Variants in RYR2 observed in about 807,000 individuals in gnomAD.
RYR2 encodes cardiac muscle ryanodine receptor-calcium release channel.
A neutral mutation model predicts 601.1 loss-of-function variants in RYR2; 227 were observed. The observed-to-expected ratio is 0.38, with a 90% confidence interval of 0.34 to 0.42. The LOEUF is 0.42. Ranked by LOEUF, RYR2 falls within the 10% of genes least tolerant of loss-of-function variation. RYR2 has a pLI of 1.00. For synonymous variants in RYR2, 2,223 were observed against 2,175.1 expected (o/e 1.02, Z -0.61); for missense variants, 4,646 against 6,156.5 (o/e 0.75, Z 8.21).
intron 44 of RYR2, among the ~76,000 whole-genome samples, 167 bp downstream of exon 44, chr1:237,635,159 C>G (rs180977800): frequency 6.6e-6 from 1 of 152,184 alleles, no homozygotes; most frequent in East Asian, 1.9e-4. Flanking sequence ...TGTTCTAGTG[C>G]TATTAGAATT....
At chr1:237,708,363 A>G (rs981160284) in intron 68 of RYR2, among the ~76,000 whole-genome samples, 16 of 152,282 alleles carry the variant, frequency 1.1e-4, no homozygotes, top group Admixed American at 5.2e-4. Flanking sequence ...AAATGGCCCA[A>G]TCAAGTTTAG....
At chr1:237,788,165 T>G in intron 92 of RYR2, 30 bp downstream of exon 92, 1 of 1,558,594 alleles carries the variant, frequency 6.4e-7, no homozygotes, top group Non-Finnish European at 8.8e-7. Context: ...ATATTGTTAC[T>G]GATATAGTGC....
At chr1:237,594,903 T>TTG (rs1675681295) in intron 33 of RYR2, among the ~76,000 whole-genome samples, 1 of 31,472 alleles carries the variant, frequency 3.2e-5, no homozygotes, top group African/African-American at 5.7e-5. Context: ...TTTTTTTTTT[T>TTG]TTTTTTTTTT....
chr1:237,336,016 T>C lies in RYR2; in HGVS notation c.273+5034T>C, dbSNP rs138185869. ...GGTAACTTATATCTTATAAAGGTTC[T>C]ATGTATAGAAATTTAAGTGTTTTTT... On this transcript the variant is annotated intron_variant, in intron 3 of 104. Transcript: ENST00000366574. 5.0e-3 allele frequency among the ~76,000 whole-genome samples: 757 copies of C among 152,320 alleles called. 6 individuals are homozygous for C. Among genetic ancestry groups the C allele is most frequent in the African/African-American group, 0.018 (732 of 41,572 alleles).
rs374181409 is a variant in RYR2, at chr1:237,530,364, GTCTTGGGT to G, written c.2823-61_2823-54del. ...GTTGTATCTCATTGCTACTGCTGCT[GTCTTGGGT>G]TATTCTGGACATAGAGAAGAAATGA... On this transcript the variant is annotated intron_variant, in intron 24 of 104. Transcript: ENST00000366574. 71 of 1,251,454 alleles carry G rather than the reference GTCTTGGGT, an allele frequency of 5.7e-5. No individual in the cohort carries two copies. The African/African-American group carries it at 9.5e-4, about 17-fold the overall frequency. 77.5% of individuals were successfully genotyped at this position (1,251,454 alleles called of 1,614,324 possible). A position where few individuals can be genotyped will look rare whatever the true frequency, so the allele number is the denominator to read the frequency against.
intron 1 of RYR2, among the ~76,000 whole-genome samples, chr1:237,207,433 G>T (rs543039578): frequency 6.6e-6 from 1 of 152,312 alleles, no homozygotes; most frequent in East Asian, 1.9e-4. Context: ...GGGCATGGTG[G>T]TGGGCACCTG....
At chr1:237,352,153 A>G (rs1157641426) in intron 3 of RYR2, among the ~76,000 whole-genome samples, 2 of 152,108 alleles carry the variant, frequency 1.3e-5, no homozygotes, top group African/African-American at 4.8e-5. Context: ...GAAATTATCT[A>G]TCAAATGCAA....
chr1:237,042,531 G>T lies in RYR2; in HGVS notation c.10G>T (p.Gly4Trp). MAD[G>W]GEGEDEIQFL... The stretch of plus-strand genomic sequence containing the variant: ...GAGGAGGCGCGGAACCATGGCCGAT[G>T]GGGGCGAGGGCGAAGACGAGATCCA... Residue 4 changes from glycine to tryptophan, a missense_variant, in exon 1 of 105, where the codon GGG becomes TGG. Gly to Trp is a radical substitution (Grantham distance 184). Transcript: ENST00000366574. The T allele has an allele frequency of 8.0e-7, 1 of 1,257,754 alleles. No homozygotes were observed. Among genetic ancestry groups the T allele is most frequent in the African/African-American group, 1.5e-5 (1 of 65,054 alleles). The allele number at this position is 1,257,754 out of a possible 1,614,324, so 77.9% of individuals were successfully genotyped here.
At position 237,582,417 on chromosome 1, in the gene RYR2, T is replaced by C. The variant is rs372229415; in HGVS notation, c.3599-7376T>C. ...GAGCCATTGTGCCTGGCTAGCATTC[T>C]TTAAAAAAAAAAAAAAAAATCAACT... On this transcript the variant is annotated intron_variant, in intron 29 of 104. Transcript: ENST00000366574. Among the ~76,000 whole-genome samples the C allele has an allele frequency of 2.0e-4, 29 of 147,668 alleles. No individual in the cohort carries two copies. The South Asian group carries it at 3.8e-3, about 20-fold the overall frequency.
At chr1:237,445,685 C>G (rs1194241842) in intron 14 of RYR2, among the ~76,000 whole-genome samples, 163 bp downstream of exon 14, 3 of 152,090 alleles carry the variant, frequency 2.0e-5, no homozygotes, top group Non-Finnish European at 4.4e-5. Flanking sequence ...GATTTAATGT[C>G]TTTCTTTTAA....
At chr1:237,317,982 A>G (rs779386834) in intron 2 of RYR2, among the ~76,000 whole-genome samples, 1 of 152,112 alleles carries the variant, frequency 6.6e-6, no homozygotes, top group Non-Finnish European at 1.5e-5. Flanking sequence ...TGCATTTGCC[A>G]TGTTGTTTTT....
At chr1:237,247,451 T>A (rs1171945047) in intron 1 of RYR2, among the ~76,000 whole-genome samples, 1 of 152,162 alleles carries the variant, frequency 6.6e-6, no homozygotes, top group African/African-American at 2.4e-5. Context: ...ACAGTAACTA[T>A]AGGGCGAAGA....
chr1:237,666,368 C>T, intron 56 of RYR2, 144 bp from the exon 57 acceptor site: 1 of 684,750 alleles, frequency 1.5e-6, no homozygotes, highest in Non-Finnish European at 2.6e-6. Flanking sequence ...GATGTGTTTA[C>T]AACATCATTT....
chr1:237,756,085 C>T (rs1692928703), intron 80 of RYR2, among the ~76,000 whole-genome samples: 1 of 142,754 alleles, frequency 7.0e-6, no homozygotes, highest in African/African-American at 2.7e-5. Context: ...GTACCAAAAA[C>T]ATATCAAGAA....
At chr1:237,523,597 C>T (rs1039891245) in intron 24 of RYR2, among the ~76,000 whole-genome samples, 12 of 151,846 alleles carry the variant, frequency 7.9e-5, no homozygotes, top group African/African-American at 2.4e-4. Flanking sequence ...AGTAGCTGCA[C>T]GTGGTGGCAG....
intron 96 of RYR2, among the ~76,000 whole-genome samples, chr1:237,795,856 G>GTATA (rs1205860625): frequency 1.3e-3 from 107 of 79,712 alleles, no homozygotes; most frequent in African/African-American, 3.2e-3. Context: ...ATATGTATAT[G>GTATA]TATATATATA....
At chr1:237,303,292 C>CTTTTTTTTT (rs386370109) in intron 2 of RYR2, among the ~76,000 whole-genome samples, 5 of 85,252 alleles carry the variant, frequency 5.9e-5, no homozygotes, top group African/African-American at 1.4e-4. Context: ...CTGCGGTTAT[C>CTTTTTTTTT]TTTTTTTTTT....
intron 1 of RYR2, among the ~76,000 whole-genome samples, chr1:237,262,245 G>GATTTTTTTTTTT (rs1688598618): frequency 1.6e-5 from 1 of 61,104 alleles, no homozygotes; most frequent in Admixed American, 3.0e-4. Flanking sequence ...GTTCTAAAGA[G>GATTTTTTTTTTT]TTTTTTTTTT....
rs1049743686 is a variant in RYR2 at position 237,138,698 on chromosome 1, C to T, written c.48+96129C>T. Among the ~76,000 whole-genome samples the T allele has an allele frequency of 7.2e-5, 11 of 152,170 alleles. No homozygotes were observed. The East Asian group carries it at 2.1e-3, about 29-fold the overall frequency. The stretch of plus-strand genomic sequence containing the variant: ...ACATTGACATGCTGGCAGTATTCAG[C>T]ATGTAAACATTTGGAATCTGGAGTC... On this transcript the variant is annotated intron_variant, in intron 1 of 104. Transcript: ENST00000366574.
Sources: allele counts gnomAD v4.1 joint callset (sites outside exome capture counted in the v4.1 genomes callset), GRCh38; gene constraint gnomAD v4.1.1; transcripts MANE v1.5; gene names NCBI Gene and HGNC (gene_info 2026-07-23, HGNC 2026-07-21).